The following DPYD variants were observed in gnomAD, a reference collection of about 807,000 sequenced individuals.
The protein encoded by DPYD is dihydropyrimidine dehydrogenase.
Under a neutral mutation model 116.2 loss-of-function variants are expected in DPYD, and 109 were observed. That is an observed-to-expected ratio of 0.94 (90% CI 0.80 to 1.10). The LOEUF is 1.10. DPYD is among the 50% of genes least tolerant of loss of function. The pLI is 0.00. For synonymous variants in DPYD, 440 were observed against 432.0 expected (o/e 1.02, Z -0.23); for missense variants, 1,302 against 1,254.5 (o/e 1.04, Z -0.57).
At chr1:97,514,706 C>T (rs1009170519) in intron 13 of DPYD, among the ~76,000 whole-genome samples, 28 of 151,294 alleles carry the variant, frequency 1.9e-4, no homozygotes, top group African/African-American at 6.6e-4. Context: ...GATTTTTTTC[C>T]TGCACTGTTT....
intron 2 of DPYD, among the ~76,000 whole-genome samples, chr1:97,864,991 T>G (rs559877135): frequency 6.6e-6 from 1 of 150,634 alleles, no homozygotes; most frequent in East Asian, 2.0e-4. Flanking sequence ...TACTTTCACT[T>G]TTTTTTTTGA....
chr1:97,907,768 C>G (rs1050472850), intron 1 of DPYD, among the ~76,000 whole-genome samples: 1 of 151,894 alleles, frequency 6.6e-6, no homozygotes, highest in African/African-American at 2.4e-5. Flanking sequence ...TATCCCAGCT[C>G]CTTTGCAGTT....
chr1:97,541,499 T>C (rs917801695), intron 12 of DPYD, among the ~76,000 whole-genome samples: 32 of 152,186 alleles, frequency 2.1e-4, no homozygotes, highest in Admixed American at 1.7e-3. Flanking sequence ...ATGTTATAGA[T>C]AGATTTAGGC....
chr1:97,288,260 A>T (rs1665872126), intron 18 of DPYD, among the ~76,000 whole-genome samples: 1 of 144,538 alleles, frequency 6.9e-6, no homozygotes, highest in Admixed American at 6.8e-5. Context: ...CCCCACTGTC[A>T]ACATTAGACA....
intron 14 of DPYD, among the ~76,000 whole-genome samples, chr1:97,444,659 C>T (rs1016870183): frequency 6.6e-6 from 1 of 152,000 alleles, no homozygotes; most frequent in African/African-American, 2.4e-5. Context: ...ATTGTATCCA[C>T]AGGAGATTTC....
chr1:97,610,149 T>C (rs934176332), intron 8 of DPYD, among the ~76,000 whole-genome samples: 1 of 152,008 alleles, frequency 6.6e-6, no homozygotes, highest in African/African-American at 2.4e-5. Context: ...AAATCTTCAT[T>C]TGACAAATTT....
intron 18 of DPYD, among the ~76,000 whole-genome samples, chr1:97,286,252 C>G (rs201635972): frequency 6.6e-6 from 1 of 152,062 alleles, no homozygotes; most frequent in East Asian, 1.9e-4. Context: ...TTGGCCCCCA[C>G]TCTCTTCTGG....
intron 10 of DPYD, among the ~76,000 whole-genome samples, chr1:97,576,569 T>A (rs1207183791): frequency 6.6e-6 from 1 of 152,218 alleles, no homozygotes; most frequent in Non-Finnish European, 1.5e-5. Context: ...GAATTTAAAA[T>A]AAAGATTATT....
At chr1:97,112,697 G>A (rs1411760413) in intron 20 of DPYD, among the ~76,000 whole-genome samples, 1 of 152,102 alleles carries the variant, frequency 6.6e-6, no homozygotes, top group Non-Finnish European at 1.5e-5. Flanking sequence ...TCATATTCAT[G>A]ACACTGTGGA....
Position 97,860,260 on chromosome 1 carries a change from T to C in DPYD, c.150+23004A>G, listed in dbSNP as rs1671052114. ...CCAGAGGCTGAGATGGGAGGATCAC[T>C]TGAGCCCAAGAACAAGACCCTGTCT... is the stretch of plus-strand genomic sequence containing the variant. On this transcript the variant is annotated intron_variant, in intron 2 of 22. Transcript: ENST00000370192. 2.0e-5 allele frequency among the ~76,000 whole-genome samples: 3 copies of C among 152,290 alleles called. No homozygotes were observed. The South Asian group carries it at 6.2e-4, about 32-fold the overall frequency.
intron 5 of DPYD, chr1:97,720,803 T>G: frequency 6.4e-7 from 1 of 1,559,298 alleles, no homozygotes; most frequent in Non-Finnish European, 8.6e-7. Flanking sequence ...GCTGATCATT[T>G]AAATGATACA....
intron 15 of DPYD, among the ~76,000 whole-genome samples, chr1:97,381,594 C>A (rs1671971724): frequency 6.6e-6 from 1 of 152,036 alleles, no homozygotes; most frequent in Non-Finnish European, 1.5e-5. Flanking sequence ...TTAAAATATC[C>A]AAATAAAATG....
At chr1:97,426,444 G>C (rs1236452118) in intron 14 of DPYD, among the ~76,000 whole-genome samples, 2 of 152,226 alleles carry the variant, frequency 1.3e-5, no homozygotes, top group Non-Finnish European at 2.9e-5. Flanking sequence ...GGAGGAAGAA[G>C]AGAAAGAAAT....
At chr1:97,514,397 C>T (rs950648585) in intron 13 of DPYD, among the ~76,000 whole-genome samples, 5 of 151,734 alleles carry the variant, frequency 3.3e-5, no homozygotes, top group South Asian at 2.1e-4. Flanking sequence ...CCACCTATTT[C>T]GGTTTACATA....
At chr1:97,133,641 C>T (rs903772339) in intron 20 of DPYD, among the ~76,000 whole-genome samples, 2 of 151,938 alleles carry the variant, frequency 1.3e-5, no homozygotes, top group Non-Finnish European at 2.9e-5. Context: ...AAAATCCTTT[C>T]CCATTGTTGT....
At chr1:97,826,698 T>TG (rs1669260187) in intron 3 of DPYD, among the ~76,000 whole-genome samples, 1 of 152,128 alleles carries the variant, frequency 6.6e-6, no homozygotes, top group Admixed American at 6.5e-5. Context: ...CTGCATTAGC[T>TG]TTTTCCAAAA....
intron 1 of DPYD, among the ~76,000 whole-genome samples, chr1:97,916,070 C>T (rs2101717449): frequency 6.6e-6 from 1 of 152,232 alleles, no homozygotes; most frequent in Non-Finnish European, 1.5e-5. Flanking sequence ...TGGTAAGATG[C>T]TGTATTCAAA....
intron 12 of DPYD, among the ~76,000 whole-genome samples, chr1:97,536,002 A>T (rs912035007): frequency 6.6e-6 from 1 of 152,232 alleles, no homozygotes; most frequent in Non-Finnish European, 1.5e-5. Context: ...TATAGGGTTT[A>T]ATGTATGTTT....
intron 3 of DPYD, among the ~76,000 whole-genome samples, chr1:97,755,638 T>C (rs1393304185): frequency 6.6e-6 from 1 of 152,132 alleles, no homozygotes; most frequent in East Asian, 1.9e-4. Flanking sequence ...CTCCATACAT[T>C]TGATACCCAC....
Sources: allele counts gnomAD v4.1 joint callset (sites outside exome capture counted in the v4.1 genomes callset), GRCh38; gene constraint gnomAD v4.1.1; transcripts MANE v1.5; gene names NCBI Gene and HGNC (gene_info 2026-07-23, HGNC 2026-07-21).